Variants in CMTM5 observed in about 807,000 individuals in gnomAD.
CMTM5 encodes the protein CKLF-like MARVEL transmembrane domain-containing protein 5.
Under a neutral mutation model 26.9 loss-of-function variants are expected in CMTM5, and 25 were observed. The observed-to-expected ratio is 0.93, with a 90% CI of 0.68 to 1.30. The LOEUF (loss-of-function observed/expected upper bound fraction) is 1.30. CMTM5 is among the 50% of genes most tolerant of loss of function. CMTM5 has a pLI of 0.00. For missense variants in CMTM5, 292 were observed against 289.6 expected (o/e 1.01, Z -0.06); for synonymous variants, 98 against 115.5 (o/e 0.85, Z 0.97).
rs1483723013 is a variant in CMTM5, at chr14:23,378,768, G to A, written c.379G>A (p.Gly127Ser). The A allele has an allele frequency of 3.7e-6, 6 of 1,612,358 alleles. No individual in the cohort carries two copies. Among genetic ancestry groups the A allele is most frequent in the Admixed American group, 1.7e-5 (1 of 59,970 alleles). Residue 127 changes from glycine to serine, a missense_variant, in exon 3 of 6, where the codon GGC (glycine) becomes AGC (serine). Coordinates refer to ENST00000339180, the MANE Select transcript of CMTM5 (RefSeq NM_001288746.2). This position sits in a 1 kb window ranked among gnomAD's most constrained non-coding sequence, Gnocchi z 4.2. ...PQPWPGLTPP[G>S]WHTPAAVPWV... ...GCCCTGGCCTGGCTTGACCCCCCCG[G>A]GCTGGCATACTCCAGCCGCTGTCCC...
At position 23,378,547 on chromosome 14, in the gene CMTM5, C is replaced by T. The variant is rs1198575894; in HGVS notation, c.279+46C>T. On this transcript the variant is annotated intron_variant, in intron 2 of 5. Transcript: ENST00000339180. This position sits in a 1 kb window ranked among gnomAD's most constrained non-coding sequence, Gnocchi z 4.2. ...GCCCAGTTTGGGGCCCTTCCCTCTCCTCTAAATGATGCATTTTCCTTTCCT... is the reference window on the plus strand; with the variant it reads ...GCCCAGTTTGGGGCCCTTCCCTCTCTTCTAAATGATGCATTTTCCTTTCCT... 1 of 1,612,332 alleles carries T rather than the reference C, an allele frequency of 6.2e-7. No homozygotes were observed. Among genetic ancestry groups the T allele is most frequent in the Non-Finnish European group, 8.5e-7 (1 of 1,178,576 alleles).
At position 23,378,571 on chromosome 14, in the gene CMTM5, C is replaced by T. The variant is rs182816613; in HGVS notation, c.279+70C>T. 2,976 of 1,608,446 alleles carry T rather than the reference C, an allele frequency of 1.9e-3. 10 individuals are homozygous for T. Among genetic ancestry groups the T allele is most frequent in the Non-Finnish European group, 1.9e-3 (2,240 of 1,175,484 alleles). ...CCTCTAAATGATGCATTTTCCTTTCCTCCCCGAGCTTCTTTCCATTTCCAC... is the reference window on the plus strand; with the variant it reads ...CCTCTAAATGATGCATTTTCCTTTCTTCCCCGAGCTTCTTTCCATTTCCAC... On this transcript the variant is annotated intron_variant, in intron 2 of 5. Transcript: ENST00000339180. This position sits in a 1 kb window ranked among gnomAD's most constrained non-coding sequence, Gnocchi z 4.2.
chr14:23,379,294 C>G lies in CMTM5; in HGVS notation c.574-5C>G. ...GTTTTGCCATCCCCACTCCCACTCC[C>G]ACAGGTTTTTGGCATCATCCTGGTT... is the stretch of plus-strand genomic sequence containing the variant. On this transcript the variant is annotated splice_polypyrimidine_tract_variant and splice_region_variant and intron_variant, in intron 4 of 5. Coordinates refer to ENST00000339180, the MANE Select transcript of CMTM5 (RefSeq NM_001288746.2). The G allele has an allele frequency of 6.2e-7, 1 of 1,614,128 alleles. No homozygotes were observed. Among genetic ancestry groups the G allele is most frequent in the Non-Finnish European group, 8.5e-7 (1 of 1,180,002 alleles).
At chr14:23,377,001 C>T (rs994712289), upstream of CMTM5, 1 of 510,138 alleles carries the variant, frequency 2.0e-6, no homozygotes, top group Non-Finnish European at 3.5e-6. The surrounding 1 kb of genome is among the most constrained non-coding windows in gnomAD (Gnocchi z 4.6). Context: ...CTCTCTGCCC[C>T]TCCCCATGGG....
intron 4 of CMTM5, 49 bp downstream of exon 4, chr14:23,379,172 G>A (rs909927595): frequency 3.1e-6 from 5 of 1,603,302 alleles, no homozygotes; most frequent in Non-Finnish European, 4.3e-6. Flanking sequence ...GCTCAGGCTG[G>A]TGCTTGCACA....
In CMTM5 at chr14:23,378,021, T is replaced by G. The variant is rs1595040643; in HGVS notation, c.127-328T>G. ...TCCTCTTGGTCCCTGTGGAGTCGGG[T>G]CTCTGTGGGCACAACTCCAGGGGCT... is the stretch of plus-strand genomic sequence containing the variant. On this transcript the variant is annotated intron_variant, in intron 1 of 5. Transcript: ENST00000339180. This position sits in a 1 kb window ranked among gnomAD's most constrained non-coding sequence, Gnocchi z 4.2. 3.3e-6 allele frequency: 1 copy of G among 300,536 alleles called. No homozygotes were observed. The highest frequency in any genetic ancestry group is 6.1e-6 in the Non-Finnish European group (1 of 162,834). The allele number at this position is 300,536 out of a possible 1,614,324, so 18.6% of individuals were successfully genotyped here.
chr14:23,378,696 C>T lies in CMTM5; in HGVS notation c.307C>T (p.Pro103Ser), dbSNP rs751024558. Residue 103 changes from proline (P) to serine (S), a missense_variant, in exon 3 of 6, where the codon CCA (proline) becomes TCA (serine). Pro to Ser is a moderately conservative substitution (Grantham distance 74, BLOSUM62 -1). Coordinates refer to ENST00000339180, the MANE Select transcript of CMTM5 (RefSeq NM_001288746.2). The surrounding 1 kb of genome is among the most constrained non-coding windows in gnomAD (Gnocchi z 4.2). ...GCAGGGCCACGGGCAATCAGGAGGA[C>T]CACATCCGCTAGATCTACTCTCCCA... ...LLQGHGQSGGPHPLDLLSHSA... is the reference protein window; with the variant it reads ...LLQGHGQSGGSHPLDLLSHSA... The T allele has an allele frequency of 1.2e-6, 2 of 1,612,900 alleles. No homozygotes were observed. The highest frequency in any genetic ancestry group is 1.3e-5 in the African/African-American group (1 of 74,994).
Position 23,377,132 on chromosome 14 carries a change from T to A in CMTM5, c.-120T>A. ...GGGGCCCTGTGGGCAAGCCTCCTGC[T>A]TCACTTTCAGGTTTCTCGAAGTGCC... is the stretch of plus-strand genomic sequence containing the variant. On this transcript the variant is annotated 5_prime_UTR_variant, in exon 1 of 6. Transcript: ENST00000339180. The surrounding 1 kb of genome is among the most constrained non-coding windows in gnomAD (Gnocchi z 4.6). 1 of 1,396,050 alleles carries A rather than the reference T, an allele frequency of 7.2e-7. No individual in the cohort carries two copies. The highest frequency in any genetic ancestry group is 9.8e-7 in the Non-Finnish European group (1 of 1,022,746). The allele number at this position is 1,396,050 out of a possible 1,614,324, so 86.5% of individuals were successfully genotyped here.
At chr14:23,379,159 A>G (rs768630378) in intron 4 of CMTM5, 36 bp downstream of exon 4, 1 of 1,607,926 alleles carries the variant, frequency 6.2e-7, no homozygotes, top group Non-Finnish European at 8.5e-7. Context: ...TAGCCCCTCA[A>G]GAGCTCAGGC....
Position 23,377,229 on chromosome 14 carries a change from C to T in CMTM5, c.-23C>T. ...TTGCTGGGCTTTTGGCAGTAGGGGG[C>T]TGTGTTGGTGGGCCCTACGAAGATG... On this transcript the variant is annotated 5_prime_UTR_variant, in exon 1 of 6. Transcript: ENST00000339180. The surrounding 1 kb of genome is among the most constrained non-coding windows in gnomAD (Gnocchi z 4.6). 6.2e-7 allele frequency: 1 copy of T among 1,609,202 alleles called. No individual in the cohort carries two copies. The highest frequency in any genetic ancestry group is 8.5e-7 in the Non-Finnish European group (1 of 1,178,398).
chr14:23,379,615 TGAGACG>T lies in CMTM5; in HGVS notation c.*129_*134del. Reference sequence around the variant, plus strand: ...CCCAGCCCTACACAGCAGTCTGGCCTGAGACGTCACTGGGGACTTATCTGTGGAGCC... The same window carrying T: ...CCCAGCCCTACACAGCAGTCTGGCCTTCACTGGGGACTTATCTGTGGAGCC... On this transcript the variant is annotated 3_prime_UTR_variant, in exon 6 of 6. Coordinates refer to ENST00000339180, the MANE Select transcript of CMTM5 (RefSeq NM_001288746.2). 1 of 1,526,476 alleles carries T rather than the reference TGAGACG, an allele frequency of 6.6e-7. No homozygotes were observed. The highest frequency in any genetic ancestry group is 1.2e-5 in the South Asian group (1 of 82,340). 94.6% of individuals were successfully genotyped at this position (1,526,476 alleles called of 1,614,324 possible).
At position 23,377,720 on chromosome 14, in the gene CMTM5, A is replaced by C; in HGVS notation, c.126+343A>C. Reference sequence around the variant, plus strand: ...CACGTCCAAGAAGTCTAACTATCAAAAAGGGCAGACTTCCTGCAACTGCAC... The same window carrying C: ...CACGTCCAAGAAGTCTAACTATCAACAAGGGCAGACTTCCTGCAACTGCAC... On this transcript the variant is annotated intron_variant, in intron 1 of 5. Coordinates refer to ENST00000339180, the MANE Select transcript of CMTM5 (RefSeq NM_001288746.2). The surrounding 1 kb of genome is among the most constrained non-coding windows in gnomAD (Gnocchi z 4.6). 4.0e-6 allele frequency: 1 copy of C among 248,552 alleles called. No homozygotes were observed. Among genetic ancestry groups the C allele is most frequent in the Non-Finnish European group, 7.7e-6 (1 of 130,202 alleles). 15.4% of individuals were successfully genotyped at this position (248,552 alleles called of 1,614,324 possible). A position where few individuals can be genotyped will look rare whatever the true frequency, so the allele number is the denominator to read the frequency against.
In CMTM5 at chr14:23,378,333, A is replaced by G; in HGVS notation, c.127-16A>G. 2 of 1,613,532 alleles carry G rather than the reference A, an allele frequency of 1.2e-6. No individual in the cohort carries two copies. Among genetic ancestry groups the G allele is most frequent in the Non-Finnish European group, 8.5e-7 (1 of 1,179,720 alleles). On this transcript the variant is annotated splice_polypyrimidine_tract_variant and intron_variant, in intron 1 of 5. Coordinates refer to ENST00000339180, the MANE Select transcript of CMTM5 (RefSeq NM_001288746.2). The surrounding 1 kb of genome is among the most constrained non-coding windows in gnomAD (Gnocchi z 4.2). The stretch of plus-strand genomic sequence containing the variant: ...GTGTCCCCTTCTTGGCATGTTCCAC[A>G]TGCTCGGTCCTGCAGGCCCTGACCC...
Position 23,378,946 on chromosome 14 carries a change from T to G in CMTM5, c.480+77T>G. 6.2e-7 allele frequency: 1 copy of G among 1,603,478 alleles called. No individual in the cohort carries two copies. The highest frequency in any genetic ancestry group is 8.5e-7 in the Non-Finnish European group (1 of 1,172,132). Reference sequence around the variant, plus strand: ...TGGAGGGGTTCAGAATCCCTCAGGGTCGGGCTGCTGGCTAGCCTGGAAAAC... The same window carrying G: ...TGGAGGGGTTCAGAATCCCTCAGGGGCGGGCTGCTGGCTAGCCTGGAAAAC... On this transcript the variant is annotated intron_variant, in intron 3 of 5. Transcript: ENST00000339180. This position sits in a 1 kb window ranked among gnomAD's most constrained non-coding sequence, Gnocchi z 4.2.
At chr14:23,379,270 T>G in intron 4 of CMTM5, 29 bp from the exon 5 acceptor site, 1 of 1,613,606 alleles carries the variant, frequency 6.2e-7, no homozygotes, top group Non-Finnish European at 8.5e-7. Flanking sequence ...ATAGCCTCTG[T>G]TTTGCCATCC....
In CMTM5 at chr14:23,378,503, T is replaced by C; in HGVS notation, c.279+2T>C. ...GACCGAATTAACTGGCCCTGTCTGG[T>C]GAGGAACCCTGACCCCTAGCCCAGT... is the stretch of plus-strand genomic sequence containing the variant. On this transcript the variant is annotated splice_donor_variant, in intron 2 of 5. Transcript: ENST00000339180. LOFTEE classifies it high-confidence loss of function. This position sits in a 1 kb window ranked among gnomAD's most constrained non-coding sequence, Gnocchi z 4.2. 2 of 1,614,142 alleles carry C rather than the reference T, an allele frequency of 1.2e-6. No homozygotes were observed. The highest frequency in any genetic ancestry group is 1.7e-6 in the Non-Finnish European group (2 of 1,180,012).
rs1890630444 is a variant in CMTM5 at position 23,377,620 on chromosome 14, T to C, written c.126+243T>C. On this transcript the variant is annotated intron_variant, in intron 1 of 5. Coordinates refer to ENST00000339180, the MANE Select transcript of CMTM5 (RefSeq NM_001288746.2). This position sits in a 1 kb window ranked among gnomAD's most constrained non-coding sequence, Gnocchi z 4.6. ...GACTGCAGTTAGACAGGGTGACTTTTTGGGACATTGAGGAAGCTTGAGACA... is the reference window on the plus strand; with the variant it reads ...GACTGCAGTTAGACAGGGTGACTTTCTGGGACATTGAGGAAGCTTGAGACA... 1 of 434,150 alleles carries C rather than the reference T, an allele frequency of 2.3e-6. No individual in the cohort carries two copies. Among genetic ancestry groups the C allele is most frequent in the Non-Finnish European group, 4.0e-6 (1 of 247,266 alleles). 26.9% of individuals were successfully genotyped at this position (434,150 alleles called of 1,614,324 possible). A position where few individuals can be genotyped will look rare whatever the true frequency, so the allele number is the denominator to read the frequency against.
chr14:23,377,486 T>C lies in CMTM5; in HGVS notation c.126+109T>C, dbSNP rs1217863157. On this transcript the variant is annotated intron_variant, in intron 1 of 5. Coordinates refer to ENST00000339180, the MANE Select transcript of CMTM5 (RefSeq NM_001288746.2). The surrounding 1 kb of genome is among the most constrained non-coding windows in gnomAD (Gnocchi z 4.6). ...TTCAGTAGCCTCCTTCCCCAAGCCC[T>C]CTGGACACCTCTCCTGCCCGCAGCT... 5 of 1,264,718 alleles carry C rather than the reference T, an allele frequency of 4.0e-6. No individual in the cohort carries two copies. Among genetic ancestry groups the C allele is most frequent in the Non-Finnish European group, 4.2e-6 (4 of 945,880 alleles). The allele number at this position is 1,264,718 out of a possible 1,614,324, so 78.3% of individuals were successfully genotyped here. A position where few individuals can be genotyped will look rare whatever the true frequency, so the allele number is the denominator to read the frequency against.
Position 23,378,356 on chromosome 14 carries a change from C to T in CMTM5, c.134C>T (p.Thr45Ile). ...ACATGCTCGGTCCTGCAGGCCCTGA[C>T]CCTCATCATCTTCATCTGCTTCACG... ...GILLETELAL[T>I]LIIFICFTAS... Residue 45 changes from threonine to isoleucine, a missense_variant, in exon 2 of 6, where the codon ACC becomes ATC. Coordinates refer to ENST00000339180, the MANE Select transcript of CMTM5 (RefSeq NM_001288746.2). The surrounding 1 kb of genome is among the most constrained non-coding windows in gnomAD (Gnocchi z 4.2). The T allele has an allele frequency of 6.2e-7, 1 of 1,613,932 alleles. No individual in the cohort carries two copies. The highest frequency in any genetic ancestry group is 1.1e-5 in the South Asian group (1 of 91,074).
Sources: gnomAD v4.1 joint callset for allele counts on GRCh38, gnomAD v4.1.1 for gene constraint, Gnocchi (gnomAD v3.1) non-coding constraint, MANE v1.5 for transcripts, NCBI Gene and HGNC (gene_info 2026-07-23, HGNC 2026-07-21) for gene names.